Variants in CCNY observed in about 807,000 individuals in gnomAD.
CCNY encodes cyclin Y, also known as cyclin-Y.
A neutral mutation model predicts 42.8 loss-of-function variants in CCNY; 19 were observed. That is an observed-to-expected ratio of 0.44 (90% CI 0.31 to 0.65). CCNY has a LOEUF of 0.65. Among genes scored for constraint, CCNY ranks in the 30% least tolerant of loss-of-function variants. CCNY has a pLI of 0.07. For synonymous variants in CCNY, 165 were observed against 162.7 expected, an observed-to-expected ratio of 1.01 and a Z score of -0.11; for missense variants, 370 against 437.3, an observed-to-expected ratio of 0.85 and a Z score of 1.37.
At chr10:35,443,899 G>A (rs922258367) in intron 1 of CCNY, among the ~76,000 whole-genome samples, 1 of 152,094 alleles carries the variant, frequency 6.6e-6, no homozygotes, top group African/African-American at 2.4e-5. Context: ...TAAGTTGCTA[G>A]CCAATCAGGA....
At chr10:35,561,050 T>C (rs1841455862) in intron 8 of CCNY, among the ~76,000 whole-genome samples, 1 of 152,182 alleles carries the variant, frequency 6.6e-6, no homozygotes, top group Admixed American at 6.5e-5. Context: ...AACAGGGGCC[T>C]GGACAGCCAC....
intron 3 of CCNY, among the ~76,000 whole-genome samples, chr10:35,300,060 C>T (rs926433780): frequency 3.3e-5 from 5 of 152,208 alleles, no homozygotes; most frequent in African/African-American, 1.2e-4. Context: ...TTTTCAGAAC[C>T]TGAACATCTC....
chr10:35,470,222 GAGAC>G (rs1448762057), intron 1 of CCNY, among the ~76,000 whole-genome samples: 4 of 151,576 alleles, frequency 2.6e-5, no homozygotes, highest in South Asian at 2.1e-4. Context: ...GGGAGTTGGA[GAGAC>G]AGACAGGGAG....
intron 7 of CCNY, among the ~76,000 whole-genome samples, chr10:35,550,202 A>G (rs1841221976): frequency 6.9e-6 from 1 of 145,668 alleles, no homozygotes; most frequent in Admixed American, 6.8e-5. Context: ...ATGACCCTAC[A>G]GTGCTCGTGA....
chr10:35,557,608 T>G (rs1445229765), intron 8 of CCNY, among the ~76,000 whole-genome samples: 1 of 151,826 alleles, frequency 6.6e-6, no homozygotes, highest in African/African-American at 2.4e-5. Flanking sequence ...ATACAAAAAT[T>G]AGCTGGTACT....
intron 1 of CCNY, among the ~76,000 whole-genome samples, chr10:35,369,521 A>T (rs1056296387): frequency 1.3e-5 from 2 of 152,240 alleles, no homozygotes; most frequent in African/African-American, 4.8e-5. Context: ...AAGAGTCATG[A>T]GAATATAAAT....
chr10:35,419,053 T>A (rs756541033), intron 1 of CCNY, among the ~76,000 whole-genome samples: 16 of 152,106 alleles, frequency 1.1e-4, no homozygotes, highest in Non-Finnish European at 2.2e-4. Context: ...ATTCCTGACC[T>A]CGTGATCAAC....
intron 3 of CCNY, among the ~76,000 whole-genome samples, chr10:35,319,023 C>T (rs185177851): frequency 5.3e-4 from 80 of 152,214 alleles, no homozygotes; most frequent in African/African-American, 1.8e-3. Context: ...AGTGCAGTGG[C>T]GGGATCACGG....
intron 1 of CCNY, among the ~76,000 whole-genome samples, chr10:35,474,166 C>T (rs1313148638): frequency 6.6e-6 from 1 of 152,208 alleles, no homozygotes; most frequent in African/African-American, 2.4e-5. Flanking sequence ...GTCTCGCTGA[C>T]TGCTAGCACA....
chr10:35,416,677 T>C (rs1376017117), intron 1 of CCNY, among the ~76,000 whole-genome samples: 2 of 152,212 alleles, frequency 1.3e-5, no homozygotes, highest in Non-Finnish European at 2.9e-5. Flanking sequence ...GCATGATTTA[T>C]TTGGTTGTTA....
intron 1 of CCNY, among the ~76,000 whole-genome samples, chr10:35,447,394 T>C (rs1051654525): frequency 3.3e-5 from 5 of 152,214 alleles, no homozygotes; most frequent in African/African-American, 1.2e-4. Flanking sequence ...AGCGATAACG[T>C]GGTAAGCCAG....
intron 3 of CCNY, among the ~76,000 whole-genome samples, chr10:35,261,080 C>A (rs1035438111): frequency 3.3e-5 from 5 of 151,814 alleles, no homozygotes; most frequent in Non-Finnish European, 7.4e-5. Context: ...TACTGCACTC[C>A]GCCTAGGTGA....
chr10:35,387,067 A>G (rs1837315132), intron 1 of CCNY, among the ~76,000 whole-genome samples: 1 of 152,196 alleles, frequency 6.6e-6, no homozygotes, highest in Non-Finnish European at 1.5e-5. Flanking sequence ...TACACTACTG[A>G]GAGGAATTCC....
chr10:35,548,774 C>T (rs945084926), intron 7 of CCNY, among the ~76,000 whole-genome samples: 15 of 151,972 alleles, frequency 9.9e-5, no homozygotes, highest in African/African-American at 3.1e-4. Flanking sequence ...CAGGTGCATT[C>T]GGTGTAACTG....
At chr10:35,355,467 C>G (rs1039811331) in intron 1 of CCNY, among the ~76,000 whole-genome samples, 2 of 151,778 alleles carry the variant, frequency 1.3e-5, no homozygotes, top group Non-Finnish European at 2.9e-5. Flanking sequence ...CACCTGAGAT[C>G]AGGAGTTCAA....
intron 7 of CCNY, among the ~76,000 whole-genome samples, chr10:35,535,860 T>C (rs1840876041): frequency 6.6e-6 from 1 of 152,196 alleles, no homozygotes; most frequent in Non-Finnish European, 1.5e-5. Context: ...TCCTCACATT[T>C]TAGTATCTGC....
At chr10:35,379,363 T>G (rs1412213488) in intron 1 of CCNY, among the ~76,000 whole-genome samples, 3 of 152,152 alleles carry the variant, frequency 2.0e-5, no homozygotes, top group African/African-American at 7.2e-5. Flanking sequence ...CTTATCAGCT[T>G]GCCCAGATGG....
intron 3 of CCNY, among the ~76,000 whole-genome samples, chr10:35,283,227 G>A (rs1040572894): frequency 7.2e-5 from 11 of 152,244 alleles, no homozygotes; most frequent in African/African-American, 2.4e-4. Context: ...AGTGAATCGA[G>A]CAGCAGAAGA....
chr10:35,456,839 T>G (rs1252560545), intron 1 of CCNY, among the ~76,000 whole-genome samples: 2 of 152,206 alleles, frequency 1.3e-5, no homozygotes, highest in African/African-American at 4.8e-5. Flanking sequence ...CAGATATGCC[T>G]GTGAACTTGG....
Sources: allele counts gnomAD v4.1 joint callset (sites outside exome capture counted in the v4.1 genomes callset), GRCh38; gene constraint gnomAD v4.1.1; transcripts MANE v1.5; gene names NCBI Gene and HGNC (gene_info 2026-07-23, HGNC 2026-07-21).